Variants in WWOX observed in about 807,000 individuals in gnomAD.
WWOX encodes the protein WW domain containing oxidoreductase.
In WWOX, 69 loss-of-function variants were observed where a neutral mutation model predicts 46.2. The observed-to-expected ratio is 1.49, with a 90% CI of 1.23 to 1.82. WWOX has a LOEUF of 1.82. Among genes scored for constraint, WWOX ranks in the 40% most tolerant of loss-of-function variants. The pLI is 0.00. For missense variants in WWOX, 919 were observed against 542.6 expected (o/e 1.69, Z -6.89); for synonymous variants, 359 against 202.6 (o/e 1.77, Z -6.56).
At chr16:79,183,845 T>C (rs1410346644) in intron 8 of WWOX, among the ~76,000 whole-genome samples, 1 of 152,178 alleles carries the variant, frequency 6.6e-6, no homozygotes, top group Non-Finnish European at 1.5e-5. Context: ...TATTCTTATC[T>C]CTGCATCACA....
chr16:78,272,251 A>C (rs1049586762), intron 5 of WWOX, among the ~76,000 whole-genome samples: 4 of 152,204 alleles, frequency 2.6e-5, no homozygotes, highest in Admixed American at 2.6e-4. Flanking sequence ...CAGCTGGTCC[A>C]GGATGGTCAC....
At chr16:78,199,332 CAAA>C (rs2036158253) in intron 5 of WWOX, among the ~76,000 whole-genome samples, 1 of 151,812 alleles carries the variant, frequency 6.6e-6, no homozygotes, top group South Asian at 2.1e-4. Flanking sequence ...AACAAACAAA[CAAA>C]CAAACAAACT....
chr16:78,699,058 G>T (rs745415900), intron 8 of WWOX, among the ~76,000 whole-genome samples: 13 of 152,118 alleles, frequency 8.5e-5, no homozygotes, highest in Non-Finnish European at 1.8e-4. Context: ...AGTTCAGATG[G>T]TGTGTGTTAC....
intron 8 of WWOX, among the ~76,000 whole-genome samples, chr16:78,592,294 C>T (rs1224906069): frequency 6.6e-6 from 1 of 152,196 alleles, no homozygotes; most frequent in Non-Finnish European, 1.5e-5. Flanking sequence ...TATGTGTCTT[C>T]TGCCAAGATG....
intron 8 of WWOX, among the ~76,000 whole-genome samples, chr16:78,888,097 G>C (rs947332162): frequency 2.0e-5 from 3 of 152,178 alleles, no homozygotes; most frequent in African/African-American, 7.2e-5. Flanking sequence ...AATCATCTTT[G>C]TGAAATCAAC....
chr16:78,696,017 G>C (rs773248737), intron 8 of WWOX, among the ~76,000 whole-genome samples: 7 of 152,168 alleles, frequency 4.6e-5, no homozygotes, highest in Non-Finnish European at 8.8e-5. Context: ...GGAGGGAGAC[G>C]AAGTGGGAGC....
Position 78,530,956 on chromosome 16 carries a change from G to A in WWOX, c.1056+98204G>A, listed in dbSNP as rs995705214. On this transcript the variant is annotated intron_variant, in intron 8 of 8. Coordinates refer to ENST00000566780, the MANE Select transcript of WWOX (RefSeq NM_016373.4). ...TTCACTTAGTTGAGGGATGAAAAAA[G>A]TTAGGCTCTGAGAATTGATATTACT... Among the ~76,000 whole-genome samples the A allele has an allele frequency of 1.9e-4, 29 of 152,156 alleles. 1 individual carries two copies.
intron 5 of WWOX, among the ~76,000 whole-genome samples, chr16:78,277,572 A>T (rs1179605270): frequency 6.6e-6 from 1 of 152,142 alleles, no homozygotes; most frequent in African/African-American, 2.4e-5. Context: ...ACAGTGGGGA[A>T]CCTGGCCCAA....
At position 78,422,682 on chromosome 16, in the gene WWOX, T is replaced by TAC. The variant is rs1322203982; in HGVS notation, c.606-2187_606-2186insCA. Among the ~76,000 whole-genome samples the TAC allele has an allele frequency of 9.4e-5, 7 of 74,444 alleles. 1 individual carries two copies. Among genetic ancestry groups the TAC allele is most frequent in the Non-Finnish European group, 9.5e-5 (4 of 41,976 alleles). The allele number at this position is 74,444 out of a possible 152,430, so 48.8% of individuals were successfully genotyped here. On this transcript the variant is annotated intron_variant, in intron 6 of 8. Transcript: ENST00000566780. ...TTACATGTATATATATATATATATATATACACACACACACACACATATATA... is the reference window on the plus strand; with the variant it reads ...TTACATGTATATATATATATATATATACATACACACACACACACACATATATA...
intron 5 of WWOX, among the ~76,000 whole-genome samples, chr16:78,320,614 T>C (rs539744317): frequency 3.3e-4 from 50 of 152,348 alleles, no homozygotes; most frequent in African/African-American, 1.2e-3. Context: ...TCTAGAATTA[T>C]TCAACCAAAG....
rs779882158 is a variant in WWOX at position 78,424,852 on chromosome 16, G to A, written c.606-18G>A. 9 of 1,613,850 alleles carry A rather than the reference G, an allele frequency of 5.6e-6. No individual in the cohort carries two copies. Among genetic ancestry groups the A allele is most frequent in the Non-Finnish European group, 5.9e-6 (7 of 1,179,904 alleles). On this transcript the variant is annotated intron_variant, in intron 6 of 8. Transcript: ENST00000566780. ...GTAGTGTTTATGTCCACATCACATG[G>A]GATATTTTATTTTTCAGGCCTCTTC... is the stretch of plus-strand genomic sequence containing the variant.
chr16:78,491,144 G>C (rs887420379), intron 8 of WWOX, among the ~76,000 whole-genome samples: 29 of 152,090 alleles, frequency 1.9e-4, no homozygotes, highest in African/African-American at 7.0e-4. Context: ...TTGGCAAAAG[G>C]CTCTCCATCC....
intron 8 of WWOX, among the ~76,000 whole-genome samples, chr16:78,927,600 T>G (rs1273995187): frequency 6.6e-6 from 1 of 152,182 alleles, no homozygotes; most frequent in Non-Finnish European, 1.5e-5. Flanking sequence ...CCCTATGTAG[T>G]TCACATAACT....
chr16:78,802,110 G>T (rs59596938), intron 8 of WWOX, among the ~76,000 whole-genome samples: 5,943 of 151,828 alleles, frequency 0.039, 397 homozygotes, highest in African/African-American at 0.14. Flanking sequence ...GTGCCTGTGC[G>T]TGAATCTCAC....
intron 8 of WWOX, among the ~76,000 whole-genome samples, chr16:78,710,326 G>A (rs1313257170): frequency 1.3e-5 from 2 of 151,212 alleles, no homozygotes; most frequent in East Asian, 2.0e-4. Context: ...CAAGAAATGC[G>A]GCAGCTGCTT....
At chr16:78,661,517 T>C (rs1002946153) in intron 8 of WWOX, among the ~76,000 whole-genome samples, 2 of 152,172 alleles carry the variant, frequency 1.3e-5, no homozygotes, top group African/African-American at 2.4e-5. Context: ...TTATTAAACA[T>C]TTATGATTTA....
intron 5 of WWOX, among the ~76,000 whole-genome samples, chr16:78,183,168 G>T (rs770863806): frequency 7.9e-5 from 12 of 152,008 alleles, no homozygotes; most frequent in Non-Finnish European, 1.5e-4. Context: ...ATAGGTATGC[G>T]AGACGTTGTC....
chr16:78,951,377 C>G (rs1279630341), intron 8 of WWOX, among the ~76,000 whole-genome samples: 2 of 152,102 alleles, frequency 1.3e-5, no homozygotes, highest in African/African-American at 4.8e-5. Context: ...TCTCATTGGC[C>G]CTCAGTGGGT....
At chr16:78,293,677 C>G (rs2079895192) in intron 5 of WWOX, among the ~76,000 whole-genome samples, 1 of 152,048 alleles carries the variant, frequency 6.6e-6, no homozygotes, top group African/African-American at 2.4e-5. Flanking sequence ...TGTTTTCATT[C>G]AAGACTTCCC....
Sources: gnomAD v4.1 joint callset for allele counts (sites outside exome capture counted in the v4.1 genomes callset) on GRCh38, gnomAD v4.1.1 for gene constraint, MANE v1.5 for transcripts, NCBI Gene and HGNC (gene_info 2026-07-23, HGNC 2026-07-21) for gene names.